COLEC10: variants seen among roughly 807,000 people sequenced by gnomAD.
COLEC10 encodes the protein collectin subfamily member 10.
COLEC10 carries 22 observed loss-of-function variants against 28.4 expected under a neutral mutation model. The observed-to-expected ratio is 0.78, with a 90% CI of 0.55 to 1.11. COLEC10 has a LOEUF of 1.11. Among genes scored for constraint, COLEC10 ranks in the 50% least tolerant of loss-of-function variants. The pLI, the probability that COLEC10 is intolerant of heterozygous loss-of-function variation, is 0.00. For missense variants in COLEC10, 361 were observed against 344.1 expected (o/e 1.05, Z -0.39); for synonymous variants, 125 against 116.1 (o/e 1.08, Z -0.49).
the COLEC10 span, among the ~76,000 whole-genome samples, chr8:118,957,836 C>A: frequency 3.3e-5 from 5 of 152,140 alleles, no homozygotes; most frequent in Non-Finnish European, 7.3e-5. Flanking sequence ...GGTAACAAAG[C>A]CTCTGGTGTT....
At chr8:118,963,087 C>T in the COLEC10 span, among the ~76,000 whole-genome samples, 5 of 151,866 alleles carry the variant, frequency 3.3e-5, no homozygotes, top group Admixed American at 1.3e-4. Context: ...GGAAGGGAGC[C>T]GGGGTCTGGC....
chr8:119,086,294 A>T (rs921499825), intron 1 of COLEC10, among the ~76,000 whole-genome samples: 9 of 152,076 alleles, frequency 5.9e-5, no homozygotes, highest in Non-Finnish European at 7.4e-5. Flanking sequence ...TTCAAATACA[A>T]GTGGCTATTT....
intron 2 of COLEC10, among the ~76,000 whole-genome samples, chr8:119,046,490 C>T (rs1293424920): frequency 6.6e-6 from 1 of 152,120 alleles, no homozygotes. Context: ...CATAAATGTA[C>T]AGTAAATTGA....
At chr8:118,962,976 G>A in the COLEC10 span, among the ~76,000 whole-genome samples, 62 of 152,248 alleles carry the variant, frequency 4.1e-4, no homozygotes, top group East Asian at 8.1e-3. Context: ...GGGTTTTCAC[G>A]TTCAAGGGAT....
intron 1 of COLEC10, chr8:119,068,190 T>C (rs1232248056): frequency 6.6e-6 from 1 of 152,188 alleles, no homozygotes; most frequent in Admixed American, 6.5e-5. Flanking sequence ...CTCCAGGCTA[T>C]AGGGTAGAAG....
At chr8:118,977,999 T>C in the COLEC10 span, among the ~76,000 whole-genome samples, 1 of 151,920 alleles carries the variant, frequency 6.6e-6, no homozygotes, top group Non-Finnish European at 1.5e-5. Flanking sequence ...GTTAGGGTAC[T>C]TAATAGAAAG....
chr8:119,019,063 C>T (rs1385736619), intron 2 of COLEC10, among the ~76,000 whole-genome samples: 1 of 151,818 alleles, frequency 6.6e-6, no homozygotes, highest in Admixed American at 6.6e-5. Flanking sequence ...TACCCGCATC[C>T]AACAACTCCC....
At chr8:118,982,672 A>G in the COLEC10 span, 1 of 175,512 alleles carries the variant, frequency 5.7e-6, no homozygotes, top group Non-Finnish European at 1.3e-5. Flanking sequence ...AAGGAAGCTG[A>G]ATCCTTTTCC....
intron 1 of COLEC10, among the ~76,000 whole-genome samples, chr8:119,002,327 T>G (rs1207153332): frequency 6.6e-6 from 1 of 152,152 alleles, no homozygotes; most frequent in East Asian, 1.9e-4. Flanking sequence ...TTGAAATGTT[T>G]TTATCACACT....
intron 2 of COLEC10, among the ~76,000 whole-genome samples, chr8:119,059,790 T>C (rs934872241): frequency 6.6e-6 from 1 of 152,076 alleles, no homozygotes; most frequent in Non-Finnish European, 1.5e-5. Context: ...TGTATGTTAT[T>C]TGGGTGATGG....
intron 2 of COLEC10, among the ~76,000 whole-genome samples, chr8:119,034,571 T>G (rs145982785): frequency 0.011 from 1,684 of 151,998 alleles, 29 homozygotes; most frequent in African/African-American, 0.037. Flanking sequence ...ATTAGCCAAG[T>G]GTGGTGGCGG....
the COLEC10 span, among the ~76,000 whole-genome samples, chr8:118,966,779 G>A: frequency 2.0e-5 from 3 of 151,552 alleles, no homozygotes; most frequent in Admixed American, 6.6e-5. Flanking sequence ...ACTTCATCCT[G>A]TCTTTCTTCT....
intron 2 of COLEC10, among the ~76,000 whole-genome samples, chr8:119,019,496 T>C (rs1207085372): frequency 1.3e-5 from 2 of 152,172 alleles, no homozygotes; most frequent in African/African-American, 4.8e-5. Context: ...TGGAATGTCC[T>C]TTCCTTGTTT....
intron 4 of COLEC10, 120 bp downstream of exon 4, chr8:119,102,521 C>T: frequency 1.2e-6 from 1 of 831,878 alleles, no homozygotes; most frequent in South Asian, 1.9e-5. Context: ...CCTTATTTTC[C>T]TCAGGCTAGA....
intron 2 of COLEC10, among the ~76,000 whole-genome samples, chr8:119,010,825 T>C (rs1465066011): frequency 6.6e-6 from 1 of 151,170 alleles, no homozygotes; most frequent in Non-Finnish European, 1.5e-5. Flanking sequence ...TTAATGTCTG[T>C]GGCCCACTTT....
At chr8:119,092,057 C>T in intron 3 of COLEC10, among the ~76,000 whole-genome samples, 1 of 147,406 alleles carries the variant, frequency 6.8e-6, no homozygotes, top group East Asian at 2.0e-4. Context: ...TGTTTTCAGT[C>T]TTGTCCTAAT....
the COLEC10 span, among the ~76,000 whole-genome samples, chr8:118,972,546 A>C: frequency 5.3e-5 from 8 of 151,918 alleles, no homozygotes; most frequent in Non-Finnish European, 1.5e-5. Flanking sequence ...TCCAATTTCC[A>C]ACCTGTACCC....
At chr8:119,092,778 C>T (rs4317610) in intron 3 of COLEC10, among the ~76,000 whole-genome samples, 3,657 of 151,972 alleles carry the variant, frequency 0.024, 57 homozygotes, top group South Asian at 0.077. Flanking sequence ...TGGTGGTGCA[C>T]GCCTGTAATC....
intron 2 of COLEC10, among the ~76,000 whole-genome samples, chr8:119,013,636 A>G (rs1813938952): frequency 2.0e-5 from 3 of 150,836 alleles, no homozygotes; most frequent in Admixed American, 2.0e-4. Flanking sequence ...TATTGCATCA[A>G]GTATTTTGTG....
Sources: allele counts gnomAD v4.1 joint callset (sites outside exome capture counted in the v4.1 genomes callset), GRCh38; gene constraint gnomAD v4.1.1; transcripts MANE v1.5; gene names NCBI Gene and HGNC (gene_info 2026-07-23, HGNC 2026-07-21).